ATG4C: variants seen among roughly 807,000 people sequenced by gnomAD.
The protein encoded by ATG4C is cysteine protease ATG4C.
Under a neutral mutation model 57.6 loss-of-function variants are expected in ATG4C, and 56 were observed. The observed-to-expected ratio is 0.97, with a 90% confidence interval of 0.78 to 1.21. The LOEUF (loss-of-function observed/expected upper bound fraction) is 1.21, where lower values mean the gene tolerates loss of function less well. Ranked by LOEUF, ATG4C falls within the 50% of genes most tolerant of loss-of-function variation. The probability of loss-of-function intolerance (pLI) is 0.00; values close to 1 mark genes in which losing one functional copy is unlikely to be tolerated. For missense variants in ATG4C, 595 were observed against 529.8 expected (o/e 1.12, Z -1.21); for synonymous variants, 157 against 174.1 (o/e 0.90, Z 0.78).
At chr1:62,808,100 A>G (rs1381502746) in intron 3 of ATG4C, among the ~76,000 whole-genome samples, 1 of 152,224 alleles carries the variant, frequency 6.6e-6, no homozygotes, top group Non-Finnish European at 1.5e-5. Context: ...GTGTTTTTCC[A>G]TTTCATGCTT....
chr1:62,785,484 G>T (rs1353273618), intron 1 of ATG4C, among the ~76,000 whole-genome samples: 1 of 152,112 alleles, frequency 6.6e-6, no homozygotes, highest in Non-Finnish European at 1.5e-5. Flanking sequence ...TTTAAAATAG[G>T]ATTCAAGTAT....
intron 10 of ATG4C, among the ~76,000 whole-genome samples, chr1:62,861,602 CACACACACACACACACACACACACAG>C (rs1254142788): frequency 3.6e-4 from 45 of 123,622 alleles, no homozygotes; most frequent in East Asian, 2.9e-3. Context: ...CACACACACA[CACACACACACACACACACACACACAG>C]AGAGACACAA....
intron 3 of ATG4C, among the ~76,000 whole-genome samples, chr1:62,815,149 T>C (rs1439382320): frequency 6.6e-6 from 1 of 152,116 alleles, no homozygotes; most frequent in African/African-American, 2.4e-5. Flanking sequence ...TTTAAATGTA[T>C]CATGTCATTA....
rs952937965 is a variant in ATG4C, at chr1:62,790,111, T to TC, written c.-69+5840dup. Among the ~76,000 whole-genome samples the TC allele has an allele frequency of 3.3e-5, 5 of 152,182 alleles. No individual in the cohort carries two copies. In the South Asian group the frequency reaches 1.0e-3, roughly 32 times the overall value. Reference sequence around the variant, plus strand: ...GTATTTTTAGTAGAGACAGAGTTTCTCCATGTTTGTCAGGCTGGTCTCGAA... The same window carrying TC: ...GTATTTTTAGTAGAGACAGAGTTTCTCCCATGTTTGTCAGGCTGGTCTCGAA... On this transcript the variant is annotated intron_variant, in intron 1 of 10. Coordinates refer to ENST00000317868, the MANE Select transcript of ATG4C (RefSeq NM_032852.4).
At chr1:62,862,751 T>C (rs1287446564) in intron 10 of ATG4C, among the ~76,000 whole-genome samples, 3 of 152,078 alleles carry the variant, frequency 2.0e-5, no homozygotes, top group African/African-American at 7.2e-5. Context: ...CATTGAAATA[T>C]TTTTAATTTT....
In ATG4C at chr1:62,819,313, G is replaced by C. The variant is rs1665405029; in HGVS notation, c.703G>C (p.Ala235Pro). The change falls in exon 5 of 11, where the codon GCT (alanine) becomes CCT (proline). Residue 235 changes from alanine (A) to proline (P), a missense_variant. By Grantham distance (27) the Ala-to-Pro change is conservative (BLOSUM62 -1). Coordinates refer to ENST00000317868, the MANE Select transcript of ATG4C (RefSeq NM_032852.4). ...GKKAGDWYGP[A>P]VVAHILRKAV... is the part of the protein sequence containing the mutation. Reference sequence around the variant, plus strand: ...AAAAGCAGGAGATTGGTATGGACCAGCTGTGGTTGCTCACATTTTAAGGTA... The same window carrying C: ...AAAAGCAGGAGATTGGTATGGACCACCTGTGGTTGCTCACATTTTAAGGTA... 1 of 1,585,370 alleles carries C rather than the reference G, an allele frequency of 6.3e-7. No homozygotes were observed. Among genetic ancestry groups the C allele is most frequent in the African/African-American group, 1.4e-5 (1 of 73,116 alleles).
rs549427243 is a variant in ATG4C, at chr1:62,850,696, A to G, written c.1209+9149A>G. Among the ~76,000 whole-genome samples, 3 of 151,524 alleles carry G rather than the reference A, an allele frequency of 2.0e-5. No homozygotes were observed. In the East Asian group the frequency reaches 5.8e-4, roughly 29 times the overall value. Reference sequence around the variant, plus strand: ...CTCATGGTTCTCTCCCTTCTTTCAGATCTTTACTCAAGTGTCACATTCTTA... The same window carrying G: ...CTCATGGTTCTCTCCCTTCTTTCAGGTCTTTACTCAAGTGTCACATTCTTA... On this transcript the variant is annotated intron_variant, in intron 10 of 10. Transcript: ENST00000317868.
intron 6 of ATG4C, among the ~76,000 whole-genome samples, chr1:62,822,360 A>G (rs1665509468): frequency 6.6e-6 from 1 of 152,178 alleles, no homozygotes; most frequent in South Asian, 2.1e-4. Context: ...AGATAAGTAT[A>G]TGAGTTTTGC....
At chr1:62,784,791 G>T (rs576663076) in intron 1 of ATG4C, among the ~76,000 whole-genome samples, 2 of 151,964 alleles carry the variant, frequency 1.3e-5, no homozygotes, top group East Asian at 3.9e-4. Context: ...AAATATTAAC[G>T]TTCATTCACT....
rs1664345165 is a variant in ATG4C, at chr1:62,793,262, G to C, written c.-69+8989G>C. ...CCACCCAAGTACTATTGATTAGGAA[G>C]GATTAATGATAGCTTGTATTGTGTG... On this transcript the variant is annotated intron_variant, in intron 1 of 10. Transcript: ENST00000317868. 2.0e-5 allele frequency among the ~76,000 whole-genome samples: 3 copies of C among 151,946 alleles called. No homozygotes were observed. The South Asian group carries it at 6.2e-4, about 32-fold the overall frequency.
At chr1:62,852,941 C>A (rs1464124682) in intron 10 of ATG4C, among the ~76,000 whole-genome samples, 2 of 152,102 alleles carry the variant, frequency 1.3e-5, no homozygotes, top group African/African-American at 2.4e-5. Flanking sequence ...ATGCCACTTT[C>A]CTGTATTTGA....
At chr1:62,842,948 C>T (rs1401422050) in intron 10 of ATG4C, among the ~76,000 whole-genome samples, 3 of 152,096 alleles carry the variant, frequency 2.0e-5, no homozygotes, top group African/African-American at 7.2e-5. Context: ...TTTGTCTCTA[C>T]AAAGTATCAT....
chr1:62,863,130 A>G (rs1666904961), intron 10 of ATG4C, among the ~76,000 whole-genome samples: 1 of 151,984 alleles, frequency 6.6e-6, no homozygotes, highest in South Asian at 2.1e-4. Flanking sequence ...AAAATTGTTT[A>G]TATTATACTT....
intron 3 of ATG4C, among the ~76,000 whole-genome samples, chr1:62,813,518 C>G (rs1010000328): frequency 3.9e-5 from 6 of 152,268 alleles, no homozygotes; most frequent in African/African-American, 1.4e-4. Flanking sequence ...CTAGGCAATA[C>G]CATTCAGGAC....
intron 1 of ATG4C, among the ~76,000 whole-genome samples, chr1:62,784,874 A>G (rs1424524592): frequency 6.6e-6 from 1 of 152,214 alleles, no homozygotes; most frequent in Non-Finnish European, 1.5e-5. Flanking sequence ...TTGGAGGTGT[A>G]GAATAAATTC....
intron 10 of ATG4C, among the ~76,000 whole-genome samples, chr1:62,841,764 C>A (rs957602525): frequency 9.9e-5 from 15 of 152,170 alleles, no homozygotes; most frequent in Non-Finnish European, 1.8e-4. Flanking sequence ...ATTGATTGGT[C>A]CACTAGGTGG....
chr1:62,834,428 G>A (rs192778019), intron 8 of ATG4C, among the ~76,000 whole-genome samples: 1 of 152,062 alleles, frequency 6.6e-6, no homozygotes, highest in African/African-American at 2.4e-5. Flanking sequence ...AGTGGTGCAA[G>A]TAGATGATAA....
Position 62,864,223 on chromosome 1 carries a change from A to C in ATG4C, c.*64A>C. On this transcript the variant is annotated 3_prime_UTR_variant, in exon 11 of 11. Transcript: ENST00000317868. Reference sequence around the variant, plus strand: ...GAAAGGGGAAAAATGAAGAGAAACAAGTATATCTGAAATGTTTATTTTCAC... The same window carrying C: ...GAAAGGGGAAAAATGAAGAGAAACACGTATATCTGAAATGTTTATTTTCAC... 1 of 1,307,420 alleles carries C rather than the reference A, an allele frequency of 7.6e-7. No homozygotes were observed. Among genetic ancestry groups the C allele is most frequent in the Non-Finnish European group, 1.1e-6 (1 of 950,448 alleles). 81.0% of individuals were successfully genotyped at this position (1,307,420 alleles called of 1,614,324 possible). A position where few individuals can be genotyped will look rare whatever the true frequency, so the allele number is the denominator to read the frequency against.
At chr1:62,858,802 G>C (rs1265053937) in intron 10 of ATG4C, among the ~76,000 whole-genome samples, 1 of 152,098 alleles carries the variant, frequency 6.6e-6, no homozygotes, top group Non-Finnish European at 1.5e-5. Flanking sequence ...ACAGTGAGGG[G>C]TAAAAGTTGG....
Sources: gnomAD v4.1 joint callset for allele counts (sites outside exome capture counted in the v4.1 genomes callset) on GRCh38, gnomAD v4.1.1 for gene constraint, MANE v1.5 for transcripts, NCBI Gene and HGNC (gene_info 2026-07-23, HGNC 2026-07-21) for gene names.